The following TNR variants were observed in gnomAD, a reference collection of about 807,000 sequenced individuals.
The protein encoded by TNR is tenascin-R.
A neutral mutation model predicts 150.4 loss-of-function variants in TNR; 45 were observed. That is an observed-to-expected ratio of 0.30 (90% CI 0.24 to 0.38). TNR has a LOEUF of 0.38. Among genes scored for constraint, TNR ranks in the 10% least tolerant of loss-of-function variants. The pLI, the probability that TNR is intolerant of heterozygous loss-of-function variation, is 1.00. For synonymous variants in TNR, 687 were observed against 678.4 expected, an observed-to-expected ratio of 1.01 and a Z score of -0.20; for missense variants, 1,544 against 1,759.1, an observed-to-expected ratio of 0.88 and a Z score of 2.19.
intron 2 of TNR, among the ~76,000 whole-genome samples, chr1:175,435,596 T>C (rs920230131): frequency 6.6e-6 from 1 of 152,150 alleles, no homozygotes; most frequent in Non-Finnish European, 1.5e-5. Context: ...TGAATATTCA[T>C]GGAAATGAGC....
At chr1:175,441,625 G>A (rs1379850805) in intron 2 of TNR, among the ~76,000 whole-genome samples, 1 of 152,122 alleles carries the variant, frequency 6.6e-6, no homozygotes, top group Non-Finnish European at 1.5e-5. Context: ...TGGATGACCA[G>A]CACAGCTGTG....
At chr1:175,451,282 A>G (rs1184453294) in intron 2 of TNR, among the ~76,000 whole-genome samples, 2 of 149,066 alleles carry the variant, frequency 1.3e-5, no homozygotes, top group Non-Finnish European at 3.0e-5. Context: ...CAGGTTTGTT[A>G]TATATGTATA....
intron 1 of TNR, among the ~76,000 whole-genome samples, chr1:175,614,743 G>A (rs1663714041): frequency 6.6e-6 from 1 of 152,202 alleles, no homozygotes; most frequent in African/African-American, 2.4e-5. Flanking sequence ...GGTATTTACA[G>A]CTTCTTGGAA....
chr1:175,545,384 T>C (rs181429268), intron 1 of TNR, among the ~76,000 whole-genome samples: 99 of 147,972 alleles, frequency 6.7e-4, no homozygotes, highest in African/African-American at 2.3e-3. Context: ...ACTTATTTAA[T>C]GATGTTGACT....
At chr1:175,596,147 GT>G (rs1019634213) in intron 1 of TNR, among the ~76,000 whole-genome samples, 4 of 152,210 alleles carry the variant, frequency 2.6e-5, no homozygotes, top group Non-Finnish European at 5.9e-5. Context: ...GCTACACAAT[GT>G]TTTTTTAAAA....
intron 1 of TNR, among the ~76,000 whole-genome samples, chr1:175,689,496 C>T (rs571691010): frequency 6.6e-6 from 1 of 152,122 alleles, no homozygotes; most frequent in Admixed American, 6.5e-5. Flanking sequence ...TTTTCATTAA[C>T]GCAGGCTATG....
intron 1 of TNR, among the ~76,000 whole-genome samples, chr1:175,618,996 A>C (rs1050593189): frequency 6.6e-6 from 1 of 152,162 alleles, no homozygotes; most frequent in South Asian, 2.1e-4. Context: ...CCCTGGCCTC[A>C]TTGCCCAGGT....
chr1:175,685,625 T>C (rs527941182), intron 1 of TNR, among the ~76,000 whole-genome samples: 270 of 152,202 alleles, frequency 1.8e-3, no homozygotes, highest in Middle Eastern at 6.8e-3. Flanking sequence ...TTTGTCGCCT[T>C]TAAAGGAAAA....
chr1:175,564,150 T>G (rs1367059054), intron 1 of TNR, among the ~76,000 whole-genome samples: 1 of 152,248 alleles, frequency 6.6e-6, no homozygotes, highest in Non-Finnish European at 1.5e-5. Flanking sequence ...AATCCCACTC[T>G]GCTCTCCAAG....
intron 4 of TNR, among the ~76,000 whole-genome samples, chr1:175,398,909 T>C (rs1387529733): frequency 6.6e-6 from 1 of 152,236 alleles, no homozygotes; most frequent in East Asian, 1.9e-4. Flanking sequence ...ATCCCAGCTT[T>C]ACCAATGAGG....
intron 1 of TNR, among the ~76,000 whole-genome samples, chr1:175,584,257 T>C (rs12080211): frequency 0.12 from 18,622 of 151,962 alleles, 1,443 homozygotes; most frequent in African/African-American, 0.22. Flanking sequence ...GATGCAGACA[T>C]GACAGAGGGA....
intron 1 of TNR, among the ~76,000 whole-genome samples, chr1:175,678,541 C>T (rs372886267): frequency 1.3e-5 from 2 of 152,328 alleles, no homozygotes; most frequent in South Asian, 2.1e-4. Context: ...ATAATCCTGA[C>T]TCCCTGCCCT....
chr1:175,706,758 C>T (rs1366484324), intron 1 of TNR, among the ~76,000 whole-genome samples: 3 of 152,094 alleles, frequency 2.0e-5, no homozygotes, highest in African/African-American at 4.8e-5. Context: ...ATCTAATTCC[C>T]CTTCTACATA....
intron 9 of TNR, among the ~76,000 whole-genome samples, chr1:175,371,360 C>T (rs1463438233): frequency 6.6e-6 from 1 of 152,164 alleles, no homozygotes; most frequent in Admixed American, 6.5e-5. Flanking sequence ...CACCTCACAC[C>T]CATTCTTCTT....
chr1:175,458,679 C>A (rs891666413), intron 2 of TNR, among the ~76,000 whole-genome samples: 5 of 152,100 alleles, frequency 3.3e-5, no homozygotes, highest in African/African-American at 1.2e-4. Context: ...CATTTTGCAA[C>A]CTCTATTTTG....
Position 175,526,011 on chromosome 1 carries a change from GT to G in TNR, c.-64+2257del, listed in dbSNP as rs35322034. Among the ~76,000 whole-genome samples, 180 of 147,186 alleles carry G rather than the reference GT, an allele frequency of 1.2e-3. 2 individuals are homozygous for G. In the East Asian group the frequency reaches 0.012, roughly 10 times the overall value. ...CATTTGTTTATGTCCACTTTTGCTG[GT>G]TTTTTTTTTTAAATTCCCCTTTCCC... On this transcript the variant is annotated intron_variant, in intron 2 of 22. Transcript: ENST00000367674.
chr1:175,342,053 T>C (rs1220794077), intron 18 of TNR, among the ~76,000 whole-genome samples: 5 of 152,190 alleles, frequency 3.3e-5, no homozygotes, highest in Admixed American at 6.5e-5. Flanking sequence ...TCAACAAATA[T>C]ATAACAGAGT....
intron 1 of TNR, among the ~76,000 whole-genome samples, chr1:175,632,491 G>T (rs1664355250): frequency 1.3e-5 from 2 of 152,152 alleles, no homozygotes; most frequent in Non-Finnish European, 1.5e-5. Context: ...GGGTAGACAA[G>T]GCTAAACAAC....
intron 1 of TNR, among the ~76,000 whole-genome samples, chr1:175,694,830 C>G (rs1301575724): frequency 6.6e-6 from 1 of 152,176 alleles, no homozygotes; most frequent in African/African-American, 2.4e-5. Flanking sequence ...GGAGAGGGAA[C>G]TTAAAGAAAC....
Sources: allele counts gnomAD v4.1 joint callset (sites outside exome capture counted in the v4.1 genomes callset), GRCh38; gene constraint gnomAD v4.1.1; transcripts MANE v1.5; gene names NCBI Gene and HGNC (gene_info 2026-07-23, HGNC 2026-07-21).